NT5E: variants seen among roughly 807,000 people sequenced by gnomAD.
The protein encoded by NT5E is 5'-nucleotidase ecto.
A neutral mutation model predicts 55.1 loss-of-function variants in NT5E; 53 were observed. That is an observed-to-expected ratio of 0.96 (90% CI 0.77 to 1.21). The LOEUF (loss-of-function observed/expected upper bound fraction) is 1.21. NT5E is among the 50% of genes most tolerant of loss of function. The pLI is 0.00. For missense variants in NT5E, 683 were observed against 724.3 expected, an observed-to-expected ratio of 0.94 and a Z score of 0.65; for synonymous variants, 270 against 278.4, an observed-to-expected ratio of 0.97 and a Z score of 0.30.
In NT5E at chr6:85,489,512, C is replaced by G. The variant is rs1372152777; in HGVS notation, c.1123C>G (p.His375Asp). 1 of 1,613,132 alleles carries G rather than the reference C, an allele frequency of 6.2e-7. No individual in the cohort carries two copies. Among genetic ancestry groups the G allele is most frequent in the Non-Finnish European group, 8.5e-7 (1 of 1,179,326 alleles). Residue 375 changes from histidine to aspartate, a missense_variant, in exon 6 of 9, where the codon CAC (histidine) becomes GAC (aspartate). By Grantham distance (81) the His-to-Asp change is moderately conservative (BLOSUM62 -1). Coordinates refer to ENST00000257770, the MANE Select transcript of NT5E (RefSeq NM_002526.4). ...GTTGCAGATTAACAACAACCTGAGA[C>G]ACACGGATGAAATGTTCTGGAACCA... ...CDAMINNNLR[H>D]TDEMFWNHVS... is the part of the protein sequence containing the mutation.
Position 85,467,198 on chromosome 6 carries a change from C to A in NT5E, c.478C>A (p.Pro160Thr), listed in dbSNP as rs769102194. The change falls in exon 2 of 9, where the codon CCA (proline) becomes ACA (threonine). Residue 160 changes from proline (P) to threonine (T), a missense_variant. Coordinates refer to ENST00000257770, the MANE Select transcript of NT5E (RefSeq NM_002526.4). ...LASQISGLYLPYKVLPVGDEV... is the reference protein window; with the variant it reads ...LASQISGLYLTYKVLPVGDEV... ...ATCTCAAATATCAGGACTTTATTTG[C>A]CATATAAAGTTCTTCCTGTTGGTGA... 1 of 1,613,900 alleles carries A rather than the reference C, an allele frequency of 6.2e-7. No homozygotes were observed. Among genetic ancestry groups the A allele is most frequent in the South Asian group, 1.1e-5 (1 of 91,074 alleles).
intron 5 of NT5E, among the ~76,000 whole-genome samples, chr6:85,488,692 T>A (rs1769718898): frequency 6.6e-6 from 1 of 152,148 alleles, no homozygotes; most frequent in Non-Finnish European, 1.5e-5. Context: ...GCGATTCTCC[T>A]GCTTCAGCCT....
chr6:85,482,293 G>A (rs929976876), intron 3 of NT5E, among the ~76,000 whole-genome samples: 26 of 151,928 alleles, frequency 1.7e-4, no homozygotes, highest in African/African-American at 6.0e-4. Flanking sequence ...CCAGGAATTG[G>A]AGACCACTGA....
intron 3 of NT5E, among the ~76,000 whole-genome samples, chr6:85,481,395 C>T (rs1225934789): frequency 6.6e-6 from 1 of 152,212 alleles, no homozygotes; most frequent in African/African-American, 2.4e-5. Context: ...GATGGACTAA[C>T]ATTAGGGCCA....
chr6:85,473,152 G>A (rs1480945803), intron 3 of NT5E, among the ~76,000 whole-genome samples: 2 of 152,132 alleles, frequency 1.3e-5, no homozygotes, highest in Non-Finnish European at 2.9e-5. Flanking sequence ...GAGCCAAGAC[G>A]AGGAAATAAT....
chr6:85,492,269 C>G, intron 8 of NT5E, 92 bp downstream of exon 8: 3 of 1,137,236 alleles, frequency 2.6e-6, no homozygotes, highest in Non-Finnish European at 1.3e-6. Context: ...CAAAGTGACT[C>G]CCTGTATTGC....
intron 6 of NT5E, 62 bp from the exon 7 acceptor site, chr6:85,490,446 G>A: frequency 1.3e-6 from 2 of 1,595,184 alleles, no homozygotes; most frequent in African/African-American, 1.3e-5. Context: ...AGGGAAACTG[G>A]TCATGGTGTA....
At chr6:85,465,737 C>T (rs1769180014) in intron 1 of NT5E, among the ~76,000 whole-genome samples, 1 of 152,188 alleles carries the variant, frequency 6.6e-6, no homozygotes, top group East Asian at 1.9e-4. Flanking sequence ...AGGGGGACAG[C>T]ACTGAGCAGG....
intron 1 of NT5E, among the ~76,000 whole-genome samples, chr6:85,453,789 C>A (rs1045134564): frequency 6.6e-6 from 1 of 152,212 alleles, no homozygotes. Flanking sequence ...ATGGCCCCCG[C>A]CTTTAACTCA....
intron 6 of NT5E, 83 bp downstream of exon 6, chr6:85,489,682 C>T (rs1769743722): frequency 1.0e-6 from 1 of 956,698 alleles, no homozygotes; most frequent in Non-Finnish European, 1.7e-6. Context: ...CCTGAACACA[C>T]CCATGTGCAG....
rs1769853667 is a variant in NT5E, at chr6:85,494,600, A to G, written c.*596A>G. On this transcript the variant is annotated 3_prime_UTR_variant, in exon 9 of 9. Transcript: ENST00000257770. ...ATATCTCCTCTCTTCATAATTATCA[A>G]TAGCCCCAAGCTCATGGATGACAAA... 1 of 153,760 alleles carries G rather than the reference A, an allele frequency of 6.5e-6. No homozygotes were observed. The highest frequency in any genetic ancestry group is 2.4e-5 in the African/African-American group (1 of 41,456). 9.5% of individuals were successfully genotyped at this position (153,760 alleles called of 1,614,324 possible).
At chr6:85,458,429 G>A (rs1769029413) in intron 1 of NT5E, among the ~76,000 whole-genome samples, 1 of 152,216 alleles carries the variant, frequency 6.6e-6, no homozygotes, top group Admixed American at 6.5e-5. Flanking sequence ...GCTTCAGGCA[G>A]GGGAGGGAGG....
At chr6:85,460,161 C>T (rs906422913) in intron 1 of NT5E, among the ~76,000 whole-genome samples, 1 of 152,198 alleles carries the variant, frequency 6.6e-6, no homozygotes, top group Non-Finnish European at 1.5e-5. Context: ...CGGGTACTCA[C>T]CCAAGTTGAA....
At chr6:85,470,687 C>G (rs1341448278) in intron 2 of NT5E, among the ~76,000 whole-genome samples, 1 of 152,220 alleles carries the variant, frequency 6.6e-6, no homozygotes, top group African/African-American at 2.4e-5. Flanking sequence ...AGTGATCTGC[C>G]TGCTGCAGCC....
intron 3 of NT5E, among the ~76,000 whole-genome samples, chr6:85,475,918 G>A (rs930056980): frequency 1.3e-5 from 2 of 152,010 alleles, no homozygotes; most frequent in African/African-American, 4.8e-5. Flanking sequence ...TTCAGGATTT[G>A]GGGAAATAAA....
chr6:85,489,591 G>T lies in NT5E; in HGVS notation c.1202G>T (p.Arg401Leu). ...GGGIRSPIDE[R>L]NNGTITWENL... The stretch of plus-strand genomic sequence containing the variant: ...GGTATCCGGTCGCCCATTGATGAAC[G>T]CAACAATGGTATGCTCCCAGGCCCA... Residue 401 changes from arginine to leucine, a missense_variant, in exon 6 of 9, where the codon CGC (arginine) becomes CTC (leucine). Arg to Leu is a moderately radical substitution (Grantham distance 102). Coordinates refer to ENST00000257770, the MANE Select transcript of NT5E (RefSeq NM_002526.4). 1 of 1,607,514 alleles carries T rather than the reference G, an allele frequency of 6.2e-7. No individual in the cohort carries two copies. Among genetic ancestry groups the T allele is most frequent in the Non-Finnish European group, 8.5e-7 (1 of 1,174,324 alleles).
chr6:85,459,239 AG>A (rs1397282926), intron 1 of NT5E, among the ~76,000 whole-genome samples: 2 of 152,198 alleles, frequency 1.3e-5, no homozygotes, highest in African/African-American at 4.8e-5. Context: ...CTGGGATTAC[AG>A]GCATGAGCCA....
chr6:85,478,425 T>C (rs1468070984), intron 3 of NT5E, among the ~76,000 whole-genome samples: 1 of 152,220 alleles, frequency 6.6e-6, no homozygotes, highest in Admixed American at 6.5e-5. Context: ...CTGAAGTTTG[T>C]GTTTCCTTAA....
chr6:85,470,258 A>G (rs1350561483), intron 2 of NT5E, among the ~76,000 whole-genome samples: 1 of 152,206 alleles, frequency 6.6e-6, no homozygotes. Context: ...GCCTTGCTGC[A>G]CACAGAGAAC....
Sources: allele counts gnomAD v4.1 joint callset (sites outside exome capture counted in the v4.1 genomes callset), GRCh38; gene constraint gnomAD v4.1.1; transcripts MANE v1.5; gene names NCBI Gene and HGNC (gene_info 2026-07-23, HGNC 2026-07-21).